The following NNT variants were observed in gnomAD, a reference collection of about 807,000 sequenced individuals.
NNT encodes NAD(P) transhydrogenase, mitochondrial.
NNT carries 50 observed loss-of-function variants against 104.8 expected under a neutral mutation model. That is an observed-to-expected ratio of 0.48 (90% CI 0.38 to 0.60). NNT has a LOEUF of 0.60. Ranked by LOEUF, NNT falls within the 20% of genes least tolerant of loss-of-function variation. NNT has a pLI of 0.00. For missense variants in NNT, 1,131 were observed against 1,330.7 expected, an observed-to-expected ratio of 0.85 and a Z score of 2.33; for synonymous variants, 461 against 490.4, an observed-to-expected ratio of 0.94 and a Z score of 0.79.
chr5:43,649,219 G>T lies in NNT; in HGVS notation c.1517G>T (p.Gly506Val), dbSNP rs1294112684. Residue 506 changes from glycine (G) to valine (V), a missense_variant, in exon 11 of 22, where the codon GGC becomes GTC. Coordinates refer to ENST00000344920, the MANE Select transcript of NNT (RefSeq NM_182977.3). ...LAFSQMVTTF[G>V]LAGIVGYHTV... ...TTTTCTCAGATGGTGACCACTTTTG[G>T]CTTGGCTGGCATTGTGGGGTATCAT... 1.2e-6 allele frequency: 2 copies of T among 1,614,012 alleles called. No homozygotes were observed. Among genetic ancestry groups the T allele is most frequent in the Non-Finnish European group, 1.7e-6 (2 of 1,180,028 alleles).
intron 19 of NNT, among the ~76,000 whole-genome samples, chr5:43,698,157 A>G (rs1321489736): frequency 1.3e-5 from 2 of 151,836 alleles, no homozygotes; most frequent in Non-Finnish European, 2.9e-5. Context: ...GGATGAATAT[A>G]TTATATAATA....
chr5:43,650,421 T>C (rs1739694257), intron 11 of NNT, 56 bp from the exon 12 acceptor site: 1 of 1,231,472 alleles, frequency 8.1e-7, no homozygotes, highest in Non-Finnish European at 1.2e-6. Flanking sequence ...TCAGCTATGA[T>C]ATTTGATTTG....
chr5:43,608,296 A>G (rs1749331349), intron 1 of NNT, among the ~76,000 whole-genome samples: 1 of 152,190 alleles, frequency 6.6e-6, no homozygotes, highest in Non-Finnish European at 1.5e-5. Flanking sequence ...GGACAGTGGG[A>G]GTGCCTTTCA....
At chr5:43,609,989 G>A (rs1661764693) in intron 2 of NNT, among the ~76,000 whole-genome samples, 1 of 152,156 alleles carries the variant, frequency 6.6e-6, no homozygotes, top group Non-Finnish European at 1.5e-5. Flanking sequence ...GCACAGGACA[G>A]TGAGAATAAT....
At chr5:43,667,139 G>C (rs905128515) in intron 17 of NNT, 2 of 1,494,476 alleles carry the variant, frequency 1.3e-6, no homozygotes, top group Non-Finnish European at 1.8e-6. Context: ...ACCCCCTTAA[G>C]AGATTCGTAT....
intron 4 of NNT, among the ~76,000 whole-genome samples, chr5:43,618,105 A>C (rs1376803427): frequency 6.6e-6 from 1 of 152,200 alleles, no homozygotes; most frequent in Non-Finnish European, 1.5e-5. Context: ...GCATGTTAAA[A>C]ATATCCTGTT....
At chr5:43,617,852 C>G (rs2111590529) in intron 4 of NNT, among the ~76,000 whole-genome samples, 1 of 152,266 alleles carries the variant, frequency 6.6e-6, no homozygotes, top group South Asian at 2.1e-4. Context: ...ATACTGTAAT[C>G]TCTAAAGTAT....
At chr5:43,655,494 A>C (rs1426438275) in intron 14 of NNT, among the ~76,000 whole-genome samples, 1 of 152,230 alleles carries the variant, frequency 6.6e-6, no homozygotes. Context: ...ATGTTGTTTA[A>C]AATTACTTTC....
chr5:43,692,055 C>T (rs1351518405), intron 19 of NNT, among the ~76,000 whole-genome samples: 1 of 152,124 alleles, frequency 6.6e-6, no homozygotes, highest in Non-Finnish European at 1.5e-5. Context: ...GGGGAGAAAA[C>T]AAAAATATGG....
rs530259344 is a variant in NNT at position 43,702,567 on chromosome 5, T to C, written c.2996-54T>C. 9.9e-6 allele frequency: 11 copies of C among 1,107,508 alleles called. No individual in the cohort carries two copies. In the South Asian group the frequency reaches 1.1e-4, roughly 11 times the overall value. The allele number at this position is 1,107,508 out of a possible 1,614,324, so 68.6% of individuals were successfully genotyped here. A position where few individuals can be genotyped will look rare whatever the true frequency, so the allele number is the denominator to read the frequency against. ...GATCACTATAATTTGTCTGAAAATA[T>C]GTAAAAGTGACCATTTGAGTTTTAT... On this transcript the variant is annotated intron_variant, in intron 20 of 21. Coordinates refer to ENST00000344920, the MANE Select transcript of NNT (RefSeq NM_182977.3).
At chr5:43,670,437 C>T (rs368391021) in intron 17 of NNT, among the ~76,000 whole-genome samples, 6 of 152,200 alleles carry the variant, frequency 3.9e-5, no homozygotes, top group East Asian at 1.9e-4. Flanking sequence ...AAATTTCCCT[C>T]TACGCACTGC....
chr5:43,687,608 G>T (rs62368575), intron 19 of NNT, among the ~76,000 whole-genome samples: 3 of 151,974 alleles, frequency 2.0e-5, no homozygotes, highest in African/African-American at 7.3e-5. Flanking sequence ...CAAAACATTG[G>T]CATTCTCTTG....
chr5:43,674,783 G>A (rs1741322809), intron 17 of NNT, among the ~76,000 whole-genome samples: 1 of 152,134 alleles, frequency 6.6e-6, no homozygotes, highest in Middle Eastern at 3.4e-3. Context: ...CATTCCTATG[G>A]TACATTCTTG....
At chr5:43,665,374 C>T (rs1740585443) in intron 17 of NNT, among the ~76,000 whole-genome samples, 1 of 151,784 alleles carries the variant, frequency 6.6e-6, no homozygotes, top group South Asian at 2.1e-4. Flanking sequence ...AGGCAGAGGG[C>T]CCTGCCGCCT....
At chr5:43,645,703 A>ATTTT (rs1561286642) in intron 10 of NNT, 193 bp downstream of exon 10, 2 of 101,164 alleles carry the variant, frequency 2.0e-5, no homozygotes, top group Non-Finnish European at 3.8e-5. Context: ...ATATATATAT[A>ATTTT]TATATATTTT....
chr5:43,630,571 G>A (rs1453849824), intron 7 of NNT, among the ~76,000 whole-genome samples: 1 of 152,148 alleles, frequency 6.6e-6, no homozygotes, highest in Non-Finnish European at 1.5e-5. Context: ...TGAGCTTTTT[G>A]ATGGTAGGAA....
Position 43,616,003 on chromosome 5 carries a change from G to A in NNT, c.537G>A (p.Gln179=). Residue 179 remains glutamine (Q), a synonymous_variant, in exon 4 of 22, where the codon CAG becomes CAA. Transcript: ENST00000344920. ...AAACTACAGTTCTGGCAATGGACCA[G>A]GTTCCAAGAGTCACAATTGCTCAGG... The part of the protein sequence containing the change: ...QRKTTVLAMD[Q]VPRVTIAQGY... 1 of 1,614,100 alleles carries A rather than the reference G, an allele frequency of 6.2e-7. No homozygotes were observed.
rs1215910564 is a variant in NNT, at chr5:43,649,240, A to G, written c.1538A>G (p.Tyr513Cys). 6.2e-7 allele frequency: 1 copy of G among 1,612,214 alleles called. No homozygotes were observed. The highest frequency in any genetic ancestry group is 8.5e-7 in the Non-Finnish European group (1 of 1,178,256). The part of the protein sequence containing the change: ...TTFGLAGIVG[Y>C]HTVWGVTPAL... ...TTTGGCTTGGCTGGCATTGTGGGGTATCATACCGTCTGGGGAGTGACCCCT... is the reference window on the plus strand; with the variant it reads ...TTTGGCTTGGCTGGCATTGTGGGGTGTCATACCGTCTGGGGAGTGACCCCT... Residue 513 changes from tyrosine (Y) to cysteine (C), a missense_variant, in exon 11 of 22, where the codon TAT becomes TGT. By Grantham distance (194) the Tyr-to-Cys change is radical. Transcript: ENST00000344920.
chr5:43,610,521 G>C (rs969714678), intron 2 of NNT, among the ~76,000 whole-genome samples: 5 of 152,158 alleles, frequency 3.3e-5, no homozygotes, highest in African/African-American at 1.2e-4. Flanking sequence ...GGATATTTTG[G>C]GGGGCAACCT....
Sources: allele counts gnomAD v4.1 joint callset (sites outside exome capture counted in the v4.1 genomes callset), GRCh38; gene constraint gnomAD v4.1.1; transcripts MANE v1.5; gene names NCBI Gene and HGNC (gene_info 2026-07-23, HGNC 2026-07-21).